The following ANK1 variants were observed in gnomAD, a reference collection of about 807,000 sequenced individuals.
The protein encoded by ANK1 is ankyrin-1.
A neutral mutation model predicts 210.4 loss-of-function variants in ANK1; 51 were observed. The ratio of observed to expected loss-of-function variants is 0.24; its 90% confidence interval spans 0.19 to 0.31. The LOEUF (loss-of-function observed/expected upper bound fraction) is 0.31, where lower values mean the gene tolerates loss of function less well. Ranked by LOEUF, ANK1 falls within the 10% of genes least tolerant of loss-of-function variation. The probability of loss-of-function intolerance (pLI) is 1.00; values close to 1 mark genes in which losing one functional copy is unlikely to be tolerated. For synonymous variants in ANK1, 967 were observed against 1,025.9 expected (o/e 0.94, Z 1.10); for missense variants, 2,051 against 2,504.4 (o/e 0.82, Z 3.86).
At chr8:41,860,498 G>A (rs1418807913) in intron 1 of ANK1, among the ~76,000 whole-genome samples, 1 of 152,232 alleles carries the variant, frequency 6.6e-6, no homozygotes, top group African/African-American at 2.4e-5. Context: ...AGATCCAGGT[G>A]CTAAGACGCT....
intron 38 of ANK1, among the ~76,000 whole-genome samples, chr8:41,671,405 C>T (rs939907832): frequency 2.0e-5 from 3 of 152,146 alleles, no homozygotes; most frequent in Non-Finnish European, 4.4e-5. Context: ...ACCGGAAGCA[C>T]GCAAGGGGAG....
rs550933128 is a variant in ANK1, at chr8:41,660,155, C to G, written c.*36+1275G>C. Among the ~76,000 whole-genome samples, 11 of 152,248 alleles carry G rather than the reference C, an allele frequency of 7.2e-5. No individual in the cohort carries two copies. In the East Asian group the frequency reaches 1.9e-3, roughly 27 times the overall value. ...ACCCCTGGCAGTGCAGGGGTTAACA[C>G]GGTGACCTCCTTAAGCTGCTGAGGT... On this transcript the variant is annotated intron_variant, in intron 42 of 42. Transcript: ENST00000289734.
upstream of ANK1, among the ~76,000 whole-genome samples, chr8:41,800,867 A>G (rs1213344482): frequency 6.6e-6 from 1 of 151,850 alleles, no homozygotes; most frequent in Non-Finnish European, 1.5e-5. Flanking sequence ...GGCACACGCC[A>G]CCATGCCCAG....
chr8:41,776,057 C>G (rs1843959977), intron 1 of ANK1, among the ~76,000 whole-genome samples: 1 of 152,140 alleles, frequency 6.6e-6, no homozygotes, highest in Non-Finnish European at 1.5e-5. Flanking sequence ...GTCCAAAGTC[C>G]TCCAGGAGTA....
chr8:41,864,951 A>C (rs1814074461), intron 1 of ANK1, among the ~76,000 whole-genome samples: 1 of 152,210 alleles, frequency 6.6e-6, no homozygotes, highest in African/African-American at 2.4e-5. Flanking sequence ...AGCACTGACC[A>C]ACCAGATCAC....
At chr8:41,856,370 G>A (rs988612536) in intron 1 of ANK1, among the ~76,000 whole-genome samples, 2 of 152,150 alleles carry the variant, frequency 1.3e-5, no homozygotes, top group Non-Finnish European at 2.9e-5. Flanking sequence ...TAAATTCTCT[G>A]CCCGAATATG....
At chr8:41,842,050 G>A (rs1312600085) in intron 1 of ANK1, among the ~76,000 whole-genome samples, 3 of 152,244 alleles carry the variant, frequency 2.0e-5, no homozygotes. Context: ...AGGAGCGGCT[G>A]TAGAGACACC....
intron 2 of ANK1, among the ~76,000 whole-genome samples, chr8:41,746,386 G>T (rs1836138236): frequency 6.6e-6 from 1 of 152,182 alleles, no homozygotes; most frequent in South Asian, 2.1e-4. Context: ...CAGAATAAGA[G>T]AAGAAACTGA....
At chr8:41,894,592 T>C (rs946987890) in intron 1 of ANK1, among the ~76,000 whole-genome samples, 5 of 151,952 alleles carry the variant, frequency 3.3e-5, no homozygotes, top group Admixed American at 2.6e-4. Flanking sequence ...CAAAAAATGA[T>C]ATATGGTGTC....
chr8:41,668,211 G>C (rs553281260), intron 39 of ANK1, 56 bp downstream of exon 39: 1 of 1,610,586 alleles, frequency 6.2e-7, no homozygotes, highest in East Asian at 2.2e-5. Context: ...CTGGAGTCCC[G>C]GCCCCTTCCG....
At chr8:41,703,437 TA>T (rs1470308854) in intron 20 of ANK1, among the ~76,000 whole-genome samples, 7 of 71,694 alleles carry the variant, frequency 9.8e-5, no homozygotes, top group Non-Finnish European at 1.9e-4. Flanking sequence ...TATATATATA[TA>T]TATATATATA....
rs1431229777 is a variant in ANK1, at chr8:41,719,406, G to A, written c.1107+255C>T. On this transcript the variant is annotated intron_variant, in intron 10 of 42. Coordinates refer to ENST00000289734, the MANE Select transcript of ANK1 (RefSeq NM_000037.4). Reference sequence around the variant, plus strand: ...ATGCTTCCTGAGTCCGGTCTCCTGGGCCCAAACTCATCCCTGACCTCGGCC... The same window carrying A: ...ATGCTTCCTGAGTCCGGTCTCCTGGACCCAAACTCATCCCTGACCTCGGCC... Among the ~76,000 whole-genome samples the A allele has an allele frequency of 2.6e-5, 4 of 152,182 alleles. No homozygotes were observed. In the East Asian group the frequency reaches 7.7e-4, roughly 29 times the overall value.
intron 1 of ANK1, among the ~76,000 whole-genome samples, chr8:41,773,675 C>T (rs539845387): frequency 2.0e-5 from 3 of 152,222 alleles, no homozygotes; most frequent in South Asian, 2.1e-4. Context: ...TTGATATATC[C>T]GGCATCTCCC....
rs1216901884 is a variant in ANK1 at position 41,717,715 on chromosome 8, A to C, written c.1207-13T>G. On this transcript the variant is annotated splice_polypyrimidine_tract_variant and intron_variant, in intron 11 of 42. Coordinates refer to ENST00000289734, the MANE Select transcript of ANK1 (RefSeq NM_000037.4). Reference sequence around the variant, plus strand: ...GTGTCAGGCCAGACTGAAACAGACAAAGGCAGAGTCCGATAAGTGGGAGTC... The same window carrying C: ...GTGTCAGGCCAGACTGAAACAGACACAGGCAGAGTCCGATAAGTGGGAGTC... 6.5e-7 allele frequency: 1 copy of C among 1,547,814 alleles called. No individual in the cohort carries two copies. Among genetic ancestry groups the C allele is most frequent in the Non-Finnish European group, 8.7e-7 (1 of 1,143,668 alleles).
chr8:41,753,043 G>A (rs1220062038), intron 2 of ANK1, among the ~76,000 whole-genome samples: 1 of 150,892 alleles, frequency 6.6e-6, no homozygotes, highest in Non-Finnish European at 1.5e-5. Flanking sequence ...CCAGGTCAGT[G>A]GCCACTGCCG....
At chr8:41,862,359 T>C (rs1368540279) in intron 1 of ANK1, among the ~76,000 whole-genome samples, 1 of 151,942 alleles carries the variant, frequency 6.6e-6, no homozygotes, top group Non-Finnish European at 1.5e-5. Context: ...TGCAGGTGCA[T>C]TGGAAGGCAG....
chr8:41,701,529 A>G lies in ANK1; in HGVS notation c.2461+21T>C, dbSNP rs769214180. 3.1e-6 allele frequency: 5 copies of G among 1,613,306 alleles called. No homozygotes were observed. The East Asian group carries it at 8.9e-5, about 29-fold the overall frequency. On this transcript the variant is annotated intron_variant, in intron 22 of 42. Transcript: ENST00000289734. ...GAGCCCCTCTGTCCCCACCAGCCTG[A>G]GCTCTTTACCCCAACGTTACCTTCA...
At chr8:41,874,894 C>T (rs377519734) in intron 1 of ANK1, among the ~76,000 whole-genome samples, 2 of 152,242 alleles carry the variant, frequency 1.3e-5, no homozygotes, top group Admixed American at 6.5e-5. Flanking sequence ...GACTGACCCT[C>T]CACTGAGCAA....
intron 1 of ANK1, among the ~76,000 whole-genome samples, chr8:41,782,593 A>T (rs1023132942): frequency 6.6e-6 from 1 of 152,168 alleles, no homozygotes; most frequent in Non-Finnish European, 1.5e-5. Context: ...GTAATTCCTG[A>T]CACCCAGAAA....
Sources: allele counts gnomAD v4.1 joint callset (sites outside exome capture counted in the v4.1 genomes callset), GRCh38; gene constraint gnomAD v4.1.1; transcripts MANE v1.5; gene names NCBI Gene and HGNC (gene_info 2026-07-23, HGNC 2026-07-21).